BRD10: variants seen among roughly 807,000 people sequenced by gnomAD.
BRD10 encodes the protein bromodomain containing 10, also known as uncharacterized bromodomain-containing protein 10.
chr9:5,938,396 T>C, the BRD10 span, among the ~76,000 whole-genome samples: 8 of 152,120 alleles, frequency 5.3e-5, no homozygotes, highest in Admixed American at 2.6e-4. Flanking sequence ...GAGCTAGCTA[T>C]GATCGTGCCA....
chr9:5,955,621 G>A, the BRD10 span, among the ~76,000 whole-genome samples: 6 of 149,600 alleles, frequency 4.0e-5, no homozygotes, highest in East Asian at 9.6e-4. Context: ...TGTATACTAT[G>A]ACTGAACTGC....
the BRD10 span, among the ~76,000 whole-genome samples, chr9:5,958,436 C>T: frequency 1.3e-5 from 2 of 152,096 alleles, no homozygotes; most frequent in African/African-American, 4.8e-5. Context: ...CCTGGTTTTC[C>T]TGTCTTCACT....
the BRD10 span, among the ~76,000 whole-genome samples, chr9:5,950,818 T>A: frequency 1.3e-5 from 2 of 152,086 alleles, no homozygotes; most frequent in African/African-American, 2.4e-5. Flanking sequence ...TATCTGCATA[T>A]AACACATCCT....
chr9:5,960,518 C>G, the BRD10 span, among the ~76,000 whole-genome samples: 2 of 149,800 alleles, frequency 1.3e-5, no homozygotes, highest in African/African-American at 4.9e-5. Flanking sequence ...GCAGAGAATG[C>G]GCCAATGCAC....
chr9:5,983,672 G>C, the BRD10 span, among the ~76,000 whole-genome samples: 1 of 152,094 alleles, frequency 6.6e-6, no homozygotes, highest in Admixed American at 6.6e-5. Flanking sequence ...AAAGAGCACA[G>C]AGAAGACTGA....
chr9:5,882,200 T>C, the BRD10 span, among the ~76,000 whole-genome samples: 2 of 152,150 alleles, frequency 1.3e-5, no homozygotes, highest in African/African-American at 2.4e-5. Flanking sequence ...CCAAATGTTG[T>C]AGAGGGCATC....
chr9:5,936,691 C>A, the BRD10 span, among the ~76,000 whole-genome samples: 5 of 152,152 alleles, frequency 3.3e-5, no homozygotes, highest in Admixed American at 3.3e-4. Context: ...AATTTCCCAA[C>A]TCACAAAAGG....
chr9:5,884,159 T>A, the BRD10 span, among the ~76,000 whole-genome samples: 1 of 152,208 alleles, frequency 6.6e-6, no homozygotes, highest in Non-Finnish European at 1.5e-5. Flanking sequence ...CTCACATTGG[T>A]ATGATTTACA....
chr9:5,998,039 A>C, the BRD10 span, among the ~76,000 whole-genome samples: 1 of 152,238 alleles, frequency 6.6e-6, no homozygotes, highest in Non-Finnish European at 1.5e-5. Flanking sequence ...ATCAATGAAA[A>C]ATGCTATTTT....
chr9:5,977,834 C>CA, the BRD10 span, among the ~76,000 whole-genome samples: 6 of 150,134 alleles, frequency 4.0e-5, no homozygotes, highest in Non-Finnish European at 7.4e-5. Flanking sequence ...GACTCCGTCT[C>CA]AAAAAAGAAA....
the BRD10 span, among the ~76,000 whole-genome samples, chr9:5,948,975 T>G: frequency 2.0e-5 from 3 of 152,128 alleles, no homozygotes; most frequent in African/African-American, 7.2e-5. Context: ...AGGATATCAC[T>G]TGTGACATGA....
chr9:5,984,008 C>T, the BRD10 span, among the ~76,000 whole-genome samples: 1 of 150,126 alleles, frequency 6.7e-6, no homozygotes, highest in African/African-American at 2.5e-5. Flanking sequence ...CACACACACC[C>T]CTCTCCATCC....
the BRD10 span, among the ~76,000 whole-genome samples, chr9:5,994,336 G>C: frequency 4.6e-5 from 7 of 152,236 alleles, no homozygotes; most frequent in East Asian, 9.6e-4. Context: ...TGCTGCTTGA[G>C]AAGCCAGATC....
the BRD10 span, among the ~76,000 whole-genome samples, chr9:5,963,398 AT>A: frequency 7.6e-6 from 1 of 131,440 alleles, no homozygotes; most frequent in Admixed American, 7.8e-5. Flanking sequence ...GCTCAAGGAA[AT>A]AAAAGAGGAT....
chr9:5,922,790 G>A, the BRD10 span: 5 of 1,613,966 alleles, frequency 3.1e-6, no homozygotes, highest in South Asian at 4.4e-5. Flanking sequence ...CTGGCCACAG[G>A]GCATTTTGTA....
chr9:5,969,449 A>C, the BRD10 span: 1 of 1,467,242 alleles, frequency 6.8e-7, no homozygotes, highest in Admixed American at 2.6e-5. Flanking sequence ...AAAGAAATTT[A>C]ACAAATTATA....
chr9:5,920,694 C>A, the BRD10 span: 2 of 1,613,936 alleles, frequency 1.2e-6, no homozygotes, highest in Non-Finnish European at 8.5e-7. Flanking sequence ...GCTCCTGGTA[C>A]TGCTGCCGAA....
the BRD10 span, among the ~76,000 whole-genome samples, chr9:5,890,527 T>A: frequency 1.3e-5 from 2 of 152,312 alleles, no homozygotes; most frequent in South Asian, 4.1e-4. Context: ...ATTTTCTTTT[T>A]GCAGGTAGAA....
the BRD10 span, among the ~76,000 whole-genome samples, chr9:5,929,372 A>T: frequency 2.0e-5 from 3 of 152,224 alleles, no homozygotes; most frequent in Non-Finnish European, 2.9e-5. Context: ...AACCTGTTTC[A>T]TCCAACTGGA....
Sources: gnomAD v4.1 joint callset for allele counts (sites outside exome capture counted in the v4.1 genomes callset) on GRCh38, gnomAD v4.1.1 for gene constraint, MANE v1.5 for transcripts, NCBI Gene and HGNC (gene_info 2026-07-23, HGNC 2026-07-21) for gene names.